The following AGMO variants were observed in gnomAD, a reference collection of about 807,000 sequenced individuals.
The protein encoded by AGMO is alkylglycerol monooxygenase, also known as glyceryl-ether monooxygenase.
A neutral mutation model predicts 60.2 loss-of-function variants in AGMO; 75 were observed. The ratio of observed to expected loss-of-function variants is 1.25; its 90% confidence interval spans 1.03 to 1.51. AGMO has a LOEUF of 1.51. AGMO is among the 40% of genes most tolerant of loss of function. The probability of loss-of-function intolerance (pLI) is 0.00; values close to 1 mark genes in which losing one functional copy is unlikely to be tolerated. For missense variants in AGMO, 763 were observed against 525.5 expected (o/e 1.45, Z -4.42); for synonymous variants, 261 against 177.1 (o/e 1.47, Z -3.76).
chr7:15,301,859 G>A lies in AGMO; in HGVS notation c.1263+63655C>T, dbSNP rs531253799. On this transcript the variant is annotated intron_variant, in intron 12 of 12. Transcript: ENST00000342526. ...ATAATTTTTTATTATATAGAAATGGGCTCAAGAAGGGCTCAAGAAGGCAAA... is the reference window on the plus strand; with the variant it reads ...ATAATTTTTTATTATATAGAAATGGACTCAAGAAGGGCTCAAGAAGGCAAA... Among the ~76,000 whole-genome samples, 9 of 151,998 alleles carry A rather than the reference G, an allele frequency of 5.9e-5. No individual in the cohort carries two copies. The East Asian group carries it at 1.7e-3, about 29-fold the overall frequency.
At chr7:15,244,232 G>A (rs531773202) in intron 12 of AGMO, among the ~76,000 whole-genome samples, 2 of 152,148 alleles carry the variant, frequency 1.3e-5, no homozygotes, top group African/African-American at 4.8e-5. Flanking sequence ...CATTCTCAAT[G>A]TGTCTACCTT....
intron 12 of AGMO, among the ~76,000 whole-genome samples, chr7:15,282,550 T>G (rs1001900851): frequency 6.6e-6 from 1 of 151,916 alleles, no homozygotes; most frequent in Non-Finnish European, 1.5e-5. Flanking sequence ...TCAAAAGAAA[T>G]GAGCAATGTC....
intron 4 of AGMO, among the ~76,000 whole-genome samples, chr7:15,424,391 C>G (rs1446738626): frequency 4.6e-5 from 7 of 152,094 alleles, no homozygotes; most frequent in African/African-American, 1.7e-4. Flanking sequence ...AAATTTTTAG[C>G]CACTTGTACA....
At chr7:15,326,916 A>C (rs1781354561) in intron 12 of AGMO, among the ~76,000 whole-genome samples, 1 of 152,230 alleles carries the variant, frequency 6.6e-6, no homozygotes, top group African/African-American at 2.4e-5. Flanking sequence ...ATCCAGAACC[A>C]AGACAGTAAA....
chr7:15,306,678 T>C, intron 12 of AGMO: 2 of 329,828 alleles, frequency 6.1e-6, no homozygotes, highest in Non-Finnish European at 1.2e-5. Context: ...ATAGTTAGAT[T>C]TTAATGTTTA....
intron 3 of AGMO, among the ~76,000 whole-genome samples, chr7:15,531,481 T>C (rs1474877914): frequency 2.1e-5 from 1 of 46,726 alleles, no homozygotes; most frequent in Non-Finnish European, 3.6e-5. Context: ...ATATTCTCTA[T>C]ATATATTCTA....
At chr7:15,499,996 G>A (rs1204893961) in intron 3 of AGMO, among the ~76,000 whole-genome samples, 1 of 150,494 alleles carries the variant, frequency 6.6e-6, no homozygotes, top group Non-Finnish European at 1.5e-5. Context: ...GTAAGAGTTA[G>A]TAAAAATGTT....
chr7:15,131,681 T>C, the AGMO span, among the ~76,000 whole-genome samples: 99 of 151,934 alleles, frequency 6.5e-4, 1 homozygote, highest in African/African-American at 2.1e-3. Context: ...TTTATAAATG[T>C]AGGGATAAGA....
chr7:15,353,598 AT>A (rs1186544897), intron 12 of AGMO, among the ~76,000 whole-genome samples: 2 of 152,202 alleles, frequency 1.3e-5, no homozygotes, highest in African/African-American at 4.8e-5. Context: ...AAAACTCAGT[AT>A]TTTTTGGACG....
chr7:15,175,757 A>T, the AGMO span, among the ~76,000 whole-genome samples: 3 of 151,892 alleles, frequency 2.0e-5, no homozygotes, highest in African/African-American at 7.2e-5. Context: ...AATTTACTTT[A>T]AGGAAAGCAT....
Position 15,241,235 on chromosome 7 carries a change from C to T in AGMO, c.1264-39876G>A, listed in dbSNP as rs190367088. On this transcript the variant is annotated intron_variant, in intron 12 of 12. Transcript: ENST00000342526. ...CAGCACTTTGGGAGGCCGAGGCGGG[C>T]GGATCACGAGGTCAGGAGATCGAGA... is the stretch of plus-strand genomic sequence containing the variant. Among the ~76,000 whole-genome samples, 1,291 of 151,438 alleles carry T rather than the reference C, an allele frequency of 8.5e-3. 21 individuals are homozygous for T. Among genetic ancestry groups the T allele is most frequent in the African/African-American group, 0.03 (1,241 of 41,264 alleles).
At chr7:15,226,956 GAGAA>G (rs1782101481) in intron 12 of AGMO, among the ~76,000 whole-genome samples, 1 of 151,982 alleles carries the variant, frequency 6.6e-6, no homozygotes, top group South Asian at 2.1e-4. Flanking sequence ...GAGAAAAGAA[GAGAA>G]AGACTCTTAA....
At chr7:15,261,265 T>A (rs1389910597) in intron 12 of AGMO, among the ~76,000 whole-genome samples, 7 of 151,834 alleles carry the variant, frequency 4.6e-5, no homozygotes, top group Non-Finnish European at 7.4e-5. Context: ...GTTAGTGAGA[T>A]TAACCAAAAA....
chr7:15,310,310 A>G (rs757604796), intron 12 of AGMO, among the ~76,000 whole-genome samples: 9 of 152,212 alleles, frequency 5.9e-5, no homozygotes, highest in Non-Finnish European at 8.8e-5. Context: ...TAACATTTTT[A>G]GCAAAAATTT....
intron 3 of AGMO, among the ~76,000 whole-genome samples, chr7:15,494,248 A>G (rs957735594): frequency 6.6e-6 from 1 of 152,220 alleles, no homozygotes; most frequent in Non-Finnish European, 1.5e-5. Flanking sequence ...ATAGAGGCTC[A>G]TCAAAATGAA....
intron 3 of AGMO, among the ~76,000 whole-genome samples, chr7:15,518,674 A>G (rs1783891565): frequency 6.6e-6 from 1 of 152,156 alleles, no homozygotes; most frequent in South Asian, 2.1e-4. Context: ...AAAGTTCACC[A>G]ACATCGAAGA....
At chr7:15,335,714 G>C (rs1460120564) in intron 12 of AGMO, among the ~76,000 whole-genome samples, 1 of 152,138 alleles carries the variant, frequency 6.6e-6, no homozygotes, top group Non-Finnish European at 1.5e-5. Context: ...ATTTATTATA[G>C]CATGTGTAGA....
chr7:15,348,907 T>TA (rs200209652), intron 12 of AGMO, among the ~76,000 whole-genome samples: 1,603 of 152,202 alleles, frequency 0.011, 36 homozygotes, highest in African/African-American at 0.038. Context: ...GTGTCACTAA[T>TA]AAAAAAGTAG....
chr7:15,342,789 A>AC (rs1583430414), intron 12 of AGMO, among the ~76,000 whole-genome samples: 1 of 147,042 alleles, frequency 6.8e-6, no homozygotes, highest in Non-Finnish European at 1.5e-5. Flanking sequence ...CAAAAAAAAA[A>AC]AAAAAAAAAA....
Sources: gnomAD v4.1 joint callset for allele counts (sites outside exome capture counted in the v4.1 genomes callset) on GRCh38, gnomAD v4.1.1 for gene constraint, MANE v1.5 for transcripts, NCBI Gene and HGNC (gene_info 2026-07-23, HGNC 2026-07-21) for gene names.